MANBA: variants seen among roughly 807,000 people sequenced by gnomAD.
The protein encoded by MANBA is beta-mannosidase.
A neutral mutation model predicts 111.1 loss-of-function variants in MANBA; 83 were observed. The ratio of observed to expected loss-of-function variants is 0.75; its 90% CI spans 0.63 to 0.90. The LOEUF (loss-of-function observed/expected upper bound fraction) is 0.90, where lower values mean the gene tolerates loss of function less well. MANBA is among the 40% of genes least tolerant of loss of function. The pLI is 0.00. For missense variants in MANBA, 1,036 were observed against 1,069.0 expected (o/e 0.97, Z 0.43); for synonymous variants, 370 against 378.7 (o/e 0.98, Z 0.27).
intron 7 of MANBA, among the ~76,000 whole-genome samples, chr4:102,686,408 C>A (rs929263912): frequency 2.6e-5 from 4 of 152,144 alleles, no homozygotes; most frequent in African/African-American, 9.7e-5. Flanking sequence ...GTTCAGTTGC[C>A]TATGTGAAGC....
In MANBA at chr4:102,746,305, G is replaced by A. The variant is rs540368984; in HGVS notation, c.177+14413C>T. On this transcript the variant is annotated intron_variant, in intron 1 of 16. Transcript: ENST00000647097. ...TGGAAAGGCTGTGCATGCACCTTTC[G>A]TTGCAGGTCAGCCACTCACATGATA... Among the ~76,000 whole-genome samples, 9 of 152,250 alleles carry A rather than the reference G, an allele frequency of 5.9e-5. No individual in the cohort carries two copies. In the South Asian group the frequency reaches 1.0e-3, roughly 18 times the overall value.
At chr4:102,669,103 A>C in intron 9 of MANBA, 54 bp from the exon 10 acceptor site, 1 of 1,331,844 alleles carries the variant, frequency 7.5e-7, no homozygotes, top group South Asian at 1.2e-5. Flanking sequence ...TATTACACAG[A>C]AGAAAGTCTT....
intron 7 of MANBA, among the ~76,000 whole-genome samples, chr4:102,688,078 A>G (rs895613678): frequency 3.9e-5 from 6 of 152,194 alleles, no homozygotes; most frequent in African/African-American, 1.4e-4. Flanking sequence ...TATTTCCCTT[A>G]GAAAAAGACA....
At chr4:102,704,736 GA>G (rs33916430) in intron 5 of MANBA, among the ~76,000 whole-genome samples, 4,220 of 148,174 alleles carry the variant, frequency 0.028, 137 homozygotes, top group African/African-American at 0.08. Context: ...GATAAAAATT[GA>G]AAAAAAAAAT....
At chr4:102,680,486 T>A (rs577476885) in intron 7 of MANBA, among the ~76,000 whole-genome samples, 14 of 152,172 alleles carry the variant, frequency 9.2e-5, no homozygotes, top group Middle Eastern at 6.8e-3. Context: ...CCCAGCTTCA[T>A]AATGAACCTT....
chr4:102,673,163 T>C (rs1273170191), intron 8 of MANBA, among the ~76,000 whole-genome samples: 1 of 152,176 alleles, frequency 6.6e-6, no homozygotes, highest in Non-Finnish European at 1.5e-5. Context: ...TTTTGTTTAG[T>C]TCTTTTGTTG....
chr4:102,639,305 C>T (rs1462932364), intron 14 of MANBA, among the ~76,000 whole-genome samples: 1 of 152,208 alleles, frequency 6.6e-6, no homozygotes, highest in African/African-American at 2.4e-5. Flanking sequence ...AACTTTAACA[C>T]ATAAGCGGGC....
intron 12 of MANBA, among the ~76,000 whole-genome samples, chr4:102,655,040 C>T (rs780755551): frequency 6.6e-6 from 1 of 151,954 alleles, no homozygotes; most frequent in Non-Finnish European, 1.5e-5. Context: ...TATTTTTATA[C>T]GTTAGCAATG....
At chr4:102,714,008 G>GC (rs949328360) in intron 5 of MANBA, among the ~76,000 whole-genome samples, 7 of 152,086 alleles carry the variant, frequency 4.6e-5, no homozygotes, top group African/African-American at 1.2e-4. Context: ...TTGTGTCAGG[G>GC]CCCTCAGAGT....
Position 102,665,283 on chromosome 4 carries a change from C to G in MANBA, c.1318-431G>C. The G allele has an allele frequency of 2.5e-5, 5 of 198,262 alleles. No individual in the cohort carries two copies. The South Asian group carries it at 2.6e-4, about 10-fold the overall frequency. 12.3% of individuals were successfully genotyped at this position (198,262 alleles called of 1,614,324 possible). On this transcript the variant is annotated intron_variant, in intron 10 of 16. Transcript: ENST00000647097. ...GTTCTGTGTGAAGAAATAAATGAAG[C>G]AAAGCAAACACTACCACTGAAAGAA...
intron 5 of MANBA, among the ~76,000 whole-genome samples, chr4:102,709,123 C>G (rs1407415534): frequency 6.6e-6 from 1 of 150,722 alleles, no homozygotes; most frequent in African/African-American, 2.4e-5. Flanking sequence ...TGGAAACCAG[C>G]CTGGGCAACA....
intron 1 of MANBA, chr4:102,728,153 CCTG>C: frequency 1.9e-6 from 1 of 538,928 alleles, no homozygotes; most frequent in Non-Finnish European, 3.8e-6. Context: ...GATGGCGTTT[CCTG>C]CTAACTTCTC....
At chr4:102,691,298 A>G (rs947559989) in intron 5 of MANBA, among the ~76,000 whole-genome samples, 1 of 152,118 alleles carries the variant, frequency 6.6e-6, no homozygotes, top group Non-Finnish European at 1.5e-5. Flanking sequence ...AGGACTTTCT[A>G]TGTGCCATAT....
intron 11 of MANBA, chr4:102,662,507 T>G (rs1731011584): frequency 7.0e-6 from 1 of 142,830 alleles, no homozygotes; most frequent in African/African-American, 2.6e-5. Context: ...ACCGCACTAC[T>G]GCACTCCAGC....
At chr4:102,695,657 T>A (rs557977063) in intron 5 of MANBA, among the ~76,000 whole-genome samples, 3 of 152,182 alleles carry the variant, frequency 2.0e-5, no homozygotes, top group Non-Finnish European at 4.4e-5. Flanking sequence ...CACTTCCCTC[T>A]TGAGCCAGTG....
At chr4:102,691,633 GC>G (rs1560776710) in intron 5 of MANBA, among the ~76,000 whole-genome samples, 3 of 151,454 alleles carry the variant, frequency 2.0e-5, no homozygotes, top group African/African-American at 7.3e-5. Flanking sequence ...AGCCTTCTGA[GC>G]AGCTGGCACT....
rs549624064 is a variant in MANBA, at chr4:102,651,003, T to C, written c.1705-302A>G. Among the ~76,000 whole-genome samples the C allele has an allele frequency of 4.6e-5, 7 of 152,272 alleles. No individual in the cohort carries two copies. In the East Asian group the frequency reaches 1.3e-3, roughly 29 times the overall value. ...TTTTATCAAAACATATTCCTGGTTT[T>C]TGAAACATCCACTATATGTATTTTT... On this transcript the variant is annotated intron_variant, in intron 12 of 16. Coordinates refer to ENST00000647097, the MANE Select transcript of MANBA (RefSeq NM_005908.4).
At chr4:102,690,452 G>A (rs1732421646) in intron 6 of MANBA, 144 bp downstream of exon 6, 1 of 707,070 alleles carries the variant, frequency 1.4e-6, no homozygotes, top group South Asian at 1.8e-5. Flanking sequence ...GAAAATATAT[G>A]AGAGACTAAA....
At chr4:102,702,635 A>G (rs1733112006) in intron 5 of MANBA, among the ~76,000 whole-genome samples, 1 of 152,162 alleles carries the variant, frequency 6.6e-6, no homozygotes, top group Non-Finnish European at 1.5e-5. Context: ...CAGACCCTGT[A>G]GAAACCACTA....
Sources: allele counts gnomAD v4.1 joint callset (sites outside exome capture counted in the v4.1 genomes callset), GRCh38; gene constraint gnomAD v4.1.1; transcripts MANE v1.5; gene names NCBI Gene and HGNC (gene_info 2026-07-23, HGNC 2026-07-21).